TOX: variants seen among roughly 807,000 people sequenced by gnomAD.
TOX encodes the protein thymocyte selection-associated high mobility group box protein TOX.
In TOX, 11 loss-of-function variants were observed where a neutral mutation model predicts 53.7. The ratio of observed to expected loss-of-function variants is 0.20; its 90% confidence interval spans 0.13 to 0.34. The LOEUF (loss-of-function observed/expected upper bound fraction) is 0.34, where lower values mean the gene tolerates loss of function less well. TOX is among the 10% of genes least tolerant of loss of function. The pLI is 1.00. For synonymous variants in TOX, 225 were observed against 245.3 expected, an observed-to-expected ratio of 0.92 and a Z score of 0.77; for missense variants, 570 against 664.6, an observed-to-expected ratio of 0.86 and a Z score of 1.56.
intron 1 of TOX, among the ~76,000 whole-genome samples, chr8:59,085,113 T>C (rs1804482972): frequency 6.6e-6 from 1 of 152,204 alleles, no homozygotes; most frequent in Non-Finnish European, 1.5e-5. Flanking sequence ...GATATTACAC[T>C]ATAGCACTTA....
At position 58,999,238 on chromosome 8, in the gene TOX, G is replaced by A. The variant is rs150452708; in HGVS notation, c.103-39230C>T. On this transcript the variant is annotated intron_variant, in intron 1 of 8. Coordinates refer to ENST00000361421, the MANE Select transcript of TOX (RefSeq NM_014729.3). The stretch of plus-strand genomic sequence containing the variant: ...GACTTAAAGACAATACAAATGGCCA[G>A]TTCATTAAAAAGGAACCTGATGAAA... Among the ~76,000 whole-genome samples the A allele has an allele frequency of 5.9e-5, 9 of 152,082 alleles. No individual in the cohort carries two copies. The East Asian group carries it at 1.7e-3, about 29-fold the overall frequency.
intron 1 of TOX, among the ~76,000 whole-genome samples, chr8:59,075,897 C>T (rs186912448): frequency 1.3e-5 from 2 of 152,034 alleles, no homozygotes; most frequent in African/African-American, 4.8e-5. Context: ...CTCAGCTACT[C>T]AGAAGGCTGA....
chr8:59,082,781 C>A (rs1242277631), intron 1 of TOX, among the ~76,000 whole-genome samples: 2 of 152,094 alleles, frequency 1.3e-5, no homozygotes, highest in African/African-American at 4.8e-5. Context: ...TTTAAGTTTT[C>A]TTTTAATATA....
chr8:58,831,341 G>T (rs1301439819), intron 5 of TOX, among the ~76,000 whole-genome samples: 1 of 152,002 alleles, frequency 6.6e-6, no homozygotes, highest in African/African-American at 2.4e-5. Flanking sequence ...TGCCTACTGT[G>T]GTGTGAGGCA....
intron 1 of TOX, among the ~76,000 whole-genome samples, chr8:59,069,416 G>T (rs1406924351): frequency 6.6e-6 from 1 of 152,148 alleles, no homozygotes; most frequent in Non-Finnish European, 1.5e-5. Flanking sequence ...TAAGATGCAG[G>T]ATATTGAATT....
chr8:59,068,658 T>C (rs181634759), intron 1 of TOX, among the ~76,000 whole-genome samples: 8 of 152,302 alleles, frequency 5.3e-5, no homozygotes, highest in Admixed American at 5.2e-4. Flanking sequence ...GGTAATATTA[T>C]ACCCATTTTA....
At chr8:58,880,483 T>C (rs1427293755) in intron 3 of TOX, among the ~76,000 whole-genome samples, 3 of 152,230 alleles carry the variant, frequency 2.0e-5, no homozygotes, top group Non-Finnish European at 4.4e-5. Flanking sequence ...ACTTTATTTC[T>C]ACATCTGGAG....
chr8:59,036,247 T>G (rs1814456318), intron 1 of TOX, among the ~76,000 whole-genome samples: 1 of 152,172 alleles, frequency 6.6e-6, no homozygotes, highest in South Asian at 2.1e-4. Flanking sequence ...TGGGACGTTC[T>G]TTACTCTTGG....
chr8:58,913,185 T>G (rs2129174110), intron 3 of TOX, among the ~76,000 whole-genome samples: 1 of 152,348 alleles, frequency 6.6e-6, no homozygotes. Flanking sequence ...ATTTGGTGGC[T>G]CATGCCTGTA....
chr8:58,923,768 A>G (rs755755378), intron 3 of TOX, among the ~76,000 whole-genome samples: 5 of 152,196 alleles, frequency 3.3e-5, no homozygotes, highest in Non-Finnish European at 7.3e-5. Context: ...TGTCTCACAC[A>G]TAGCTTACCA....
chr8:58,810,975 C>T (rs1008070543), intron 7 of TOX, among the ~76,000 whole-genome samples: 3 of 152,168 alleles, frequency 2.0e-5, no homozygotes, highest in African/African-American at 7.2e-5. Flanking sequence ...GTGTTAGCTA[C>T]AAAGTTCAAA....
chr8:59,109,782 G>A (rs529091004), intron 1 of TOX, among the ~76,000 whole-genome samples: 22 of 152,166 alleles, frequency 1.4e-4, no homozygotes, highest in African/African-American at 4.1e-4. Flanking sequence ...GCTGGTAATC[G>A]CCGACGAAAA....
chr8:58,937,995 T>G (rs950210535), intron 3 of TOX, among the ~76,000 whole-genome samples: 1 of 152,206 alleles, frequency 6.6e-6, no homozygotes, highest in African/African-American at 2.4e-5. Flanking sequence ...GGAGTCATAC[T>G]TAATACTCAT....
intron 3 of TOX, among the ~76,000 whole-genome samples, chr8:58,855,315 T>C (rs1261372929): frequency 6.6e-6 from 1 of 152,222 alleles, no homozygotes; most frequent in Non-Finnish European, 1.5e-5. Flanking sequence ...CTGCAATTGC[T>C]TGTGAGACAT....
intron 3 of TOX, among the ~76,000 whole-genome samples, chr8:58,924,090 G>A (rs1447097529): frequency 6.6e-6 from 1 of 152,112 alleles, no homozygotes; most frequent in African/African-American, 2.4e-5. Context: ...AAAAGTTAAG[G>A]CTGCTAGTAC....
At chr8:59,077,077 C>T (rs1357494111) in intron 1 of TOX, among the ~76,000 whole-genome samples, 1 of 152,256 alleles carries the variant, frequency 6.6e-6, no homozygotes, top group Non-Finnish European at 1.5e-5. Flanking sequence ...AACCCAGCTC[C>T]TGCACTCCTT....
Position 59,035,937 on chromosome 8 carries a change from T to C in TOX, c.103-75929A>G, listed in dbSNP as rs533114441. Among the ~76,000 whole-genome samples, 4 of 152,330 alleles carry C rather than the reference T, an allele frequency of 2.6e-5. No homozygotes were observed. The East Asian group carries it at 7.7e-4, about 29-fold the overall frequency. On this transcript the variant is annotated intron_variant, in intron 1 of 8. Transcript: ENST00000361421. ...CAGCACTATGAGGTGGTTACTATTA[T>C]CCTCACTTTACAGAGGAGGAAATGG...
chr8:59,111,580 C>A (rs1805017731), intron 1 of TOX, among the ~76,000 whole-genome samples: 1 of 151,898 alleles, frequency 6.6e-6, no homozygotes, highest in Non-Finnish European at 1.5e-5. Context: ...AAATCCACCC[C>A]CACACACCCA....
intron 1 of TOX, among the ~76,000 whole-genome samples, chr8:59,050,187 T>C (rs61133541): frequency 0.062 from 9,477 of 152,234 alleles, 364 homozygotes; most frequent in Middle Eastern, 0.14. Context: ...ACTTTTGTTC[T>C]ATTGTCAAAG....
Sources: allele counts gnomAD v4.1 joint callset (sites outside exome capture counted in the v4.1 genomes callset), GRCh38; gene constraint gnomAD v4.1.1; transcripts MANE v1.5; gene names NCBI Gene and HGNC (gene_info 2026-07-23, HGNC 2026-07-21).